Variants in NOS1 observed in about 807,000 individuals in gnomAD.
NOS1 encodes NOS type I.
In NOS1, 51 loss-of-function variants were observed where a neutral mutation model predicts 164.5. That is an observed-to-expected ratio of 0.31 (90% confidence interval 0.25 to 0.39). The LOEUF (loss-of-function observed/expected upper bound fraction) is 0.39. Ranked by LOEUF, NOS1 falls within the 10% of genes least tolerant of loss-of-function variation. The pLI is 1.00. For missense variants in NOS1, 1,362 were observed against 1,885.6 expected, an observed-to-expected ratio of 0.72 and a Z score of 5.14; for synonymous variants, 719 against 745.8, an observed-to-expected ratio of 0.96 and a Z score of 0.59.
chr12:117,330,067 T>C lies in NOS1; in HGVS notation c.725+278A>G, dbSNP rs1006947619. Among the ~76,000 whole-genome samples, 5 of 152,168 alleles carry C rather than the reference T, an allele frequency of 3.3e-5. No homozygotes were observed. The highest frequency in any genetic ancestry group is 7.3e-5 in the Non-Finnish European group (5 of 68,028). On this transcript the variant is annotated intron_variant, in intron 2 of 28. Coordinates refer to ENST00000317775, the MANE Select transcript of NOS1 (RefSeq NM_000620.5). This position sits in a 1 kb window ranked among gnomAD's most constrained non-coding sequence, Gnocchi z 4.6. The stretch of plus-strand genomic sequence containing the variant: ...AAGTTTCCTGGAGGATTATAGGGGA[T>C]AAAGATGAGAAGACACACTGTCTGC...
intron 25 of NOS1, among the ~76,000 whole-genome samples, chr12:117,224,623 C>T (rs1484215917): frequency 6.6e-6 from 1 of 152,204 alleles, no homozygotes; most frequent in Non-Finnish European, 1.5e-5. Flanking sequence ...ATTTGGGTTT[C>T]TTTCTCTCTC....
rs1336011970 is a variant in NOS1 at position 117,356,537 on chromosome 12, T to C, written c.-421+4975A>G. ...GCTCACCGCTTAGCCAGACTACAGG[T>C]TTCATTAGAATGGGGCTCACACCAC... On this transcript the variant is annotated intron_variant, in intron 1 of 28. Transcript: ENST00000317775. The surrounding 1 kb of genome is among the most constrained non-coding windows in gnomAD (Gnocchi z 4.2). 1.3e-5 allele frequency among the ~76,000 whole-genome samples: 2 copies of C among 152,328 alleles called. No homozygotes were observed. The highest frequency in any genetic ancestry group is 4.8e-5 in the African/African-American group (2 of 41,568).
At chr12:117,267,135 G>A (rs1294764746) in intron 11 of NOS1, among the ~76,000 whole-genome samples, 2 of 152,102 alleles carry the variant, frequency 1.3e-5, no homozygotes, top group Admixed American at 6.5e-5. Context: ...GTGCATCTAC[G>A]GGGGTCTAGC....
At chr12:117,335,271 C>T (rs1875751587) in intron 1 of NOS1, among the ~76,000 whole-genome samples, 1 of 152,116 alleles carries the variant, frequency 6.6e-6, no homozygotes. Context: ...AGGCATCTCA[C>T]GCCGGTCTGG....
At chr12:117,313,699 C>A (rs965796320) in intron 2 of NOS1, among the ~76,000 whole-genome samples, 6 of 152,176 alleles carry the variant, frequency 3.9e-5, no homozygotes, top group African/African-American at 1.4e-4. Context: ...GCTGGCCACC[C>A]TCTAAGATGG....
chr12:117,225,417 G>C (rs1010090264), intron 24 of NOS1, among the ~76,000 whole-genome samples: 2 of 152,016 alleles, frequency 1.3e-5, no homozygotes, highest in African/African-American at 2.4e-5. Flanking sequence ...CTGGCACCCT[G>C]GTCACTTGGG....
intron 21 of NOS1, among the ~76,000 whole-genome samples, chr12:117,232,819 T>G (rs1483467064): frequency 6.6e-6 from 1 of 152,166 alleles, no homozygotes; most frequent in Non-Finnish European, 1.5e-5. Context: ...AAAAGCTCTA[T>G]TTCAACACAG....
At chr12:117,220,982 C>T (rs139539455) in intron 26 of NOS1, among the ~76,000 whole-genome samples, 2,236 of 152,042 alleles carry the variant, frequency 0.015, 29 homozygotes, top group South Asian at 0.068. Context: ...AGACACTGCC[C>T]GGACTCTCTG....
At chr12:117,357,793 G>A (rs942133967) in intron 1 of NOS1, among the ~76,000 whole-genome samples, 1 of 152,166 alleles carries the variant, frequency 6.6e-6, no homozygotes, top group African/African-American at 2.4e-5. Context: ...TTTGGCGTTC[G>A]CTGGATTAGA....
chr12:117,244,395 G>T (rs1365126732), intron 18 of NOS1, among the ~76,000 whole-genome samples: 1 of 152,106 alleles, frequency 6.6e-6, no homozygotes, highest in African/African-American at 2.4e-5. Flanking sequence ...TTACAGGCAT[G>T]TGCACCATGC....
At chr12:117,338,139 C>T (rs1024647278) in intron 1 of NOS1, among the ~76,000 whole-genome samples, 1 of 152,086 alleles carries the variant, frequency 6.6e-6, no homozygotes, top group African/African-American at 2.4e-5. Flanking sequence ...ATGACTTGAA[C>T]CTGGGAGGCG....
intron 1 of NOS1, among the ~76,000 whole-genome samples, chr12:117,351,877 G>A (rs1024585040): frequency 2.6e-5 from 4 of 152,298 alleles, no homozygotes; most frequent in South Asian, 2.1e-4. Context: ...TCATCCAGAG[G>A]GGTCTAAAGT....
At chr12:117,351,423 T>A (rs1388471322) in intron 1 of NOS1, among the ~76,000 whole-genome samples, 1 of 152,216 alleles carries the variant, frequency 6.6e-6, no homozygotes, top group Non-Finnish European at 1.5e-5. Context: ...TGCTAGTCCC[T>A]GAGTACTTAA....
At chr12:117,226,312 T>A (rs1868669361) in intron 24 of NOS1, among the ~76,000 whole-genome samples, 2 of 152,154 alleles carry the variant, frequency 1.3e-5, no homozygotes, top group Non-Finnish European at 2.9e-5. Context: ...ATTTTTTCCA[T>A]CTCTAGGAAA....
At chr12:117,345,794 G>C (rs1306421113) in intron 1 of NOS1, among the ~76,000 whole-genome samples, 1 of 152,100 alleles carries the variant, frequency 6.6e-6, no homozygotes, top group Non-Finnish European at 1.5e-5. Context: ...AGGAGGTCGA[G>C]GCTGCAGTGA....
intron 18 of NOS1, among the ~76,000 whole-genome samples, chr12:117,244,326 C>T (rs763751930): frequency 6.6e-6 from 1 of 152,196 alleles, no homozygotes; most frequent in Non-Finnish European, 1.5e-5. Flanking sequence ...TCACTGCAGC[C>T]TCGACCTCCT....
At chr12:117,323,822 C>T (rs576767381) in intron 2 of NOS1, among the ~76,000 whole-genome samples, 11 of 152,232 alleles carry the variant, frequency 7.2e-5, no homozygotes, top group Admixed American at 5.2e-4. Context: ...GACTCTGTCA[C>T]GCAGGCTGGA....
In NOS1 at chr12:117,356,567, A is replaced by C. The variant is rs1876861313; in HGVS notation, c.-421+4945T>G. Among the ~76,000 whole-genome samples, 2 of 152,172 alleles carry C rather than the reference A, an allele frequency of 1.3e-5. No homozygotes were observed. The highest frequency in any genetic ancestry group is 2.1e-4 in the South Asian group (1 of 4,826). On this transcript the variant is annotated intron_variant, in intron 1 of 28. Transcript: ENST00000317775. This position sits in a 1 kb window ranked among gnomAD's most constrained non-coding sequence, Gnocchi z 4.2. Reference sequence around the variant, plus strand: ...TTAGAATGGGGCTCACACCACCTTTATCTGGGCACCTGCCCTTGGGGTCTA... The same window carrying C: ...TTAGAATGGGGCTCACACCACCTTTCTCTGGGCACCTGCCCTTGGGGTCTA...
At chr12:117,295,068 C>A (rs1023055071) in intron 3 of NOS1, among the ~76,000 whole-genome samples, 1 of 152,194 alleles carries the variant, frequency 6.6e-6, no homozygotes, top group Non-Finnish European at 1.5e-5. Context: ...TTCCCCTCTC[C>A]TTTTCTCCCT....
Sources: allele counts gnomAD v4.1 joint callset (sites outside exome capture counted in the v4.1 genomes callset), GRCh38; gene constraint gnomAD v4.1.1; non-coding constraint Gnocchi (gnomAD v3.1); transcripts MANE v1.5; gene names NCBI Gene and HGNC (gene_info 2026-07-23, HGNC 2026-07-21).